The following TANC1 variants were observed in gnomAD, a reference collection of about 807,000 sequenced individuals.
The protein encoded by TANC1 is protein TANC1.
In TANC1, 77 loss-of-function variants were observed where a neutral mutation model predicts 149.7. The ratio of observed to expected loss-of-function variants is 0.51; its 90% confidence interval spans 0.43 to 0.62. TANC1 has a LOEUF of 0.62. TANC1 is among the 20% of genes least tolerant of loss of function. The pLI is 0.00. For synonymous variants in TANC1, 854 were observed against 925.0 expected (o/e 0.92, Z 1.39); for missense variants, 1,985 against 2,321.8 (o/e 0.85, Z 2.98).
At position 159,229,766 on chromosome 2, in the gene TANC1, C is replaced by T. The variant is rs759944278; in HGVS notation, c.4340C>T (p.Thr1447Ile). ...TCCGAGAACGAAGAGGACACCCCAA[C>T]CCCTGGCTTAAGTGACCACTTTCAC... The part of the protein sequence containing the change: ...NDSENEEDTP[T>I]PGLSDHFHSE... The change falls in exon 27 of 27, where the codon ACC (threonine) becomes ATC (isoleucine). Residue 1447 changes from threonine to isoleucine, a missense_variant. By Grantham distance (89) the Thr-to-Ile change is moderately conservative. Transcript: ENST00000263635. 6 of 1,614,116 alleles carry T rather than the reference C, an allele frequency of 3.7e-6. No homozygotes were observed. The South Asian group carries it at 5.5e-5, about 15-fold the overall frequency.
At chr2:159,056,120 G>A in intron 2 of TANC1, 1 of 270,554 alleles carries the variant, frequency 3.7e-6, no homozygotes, top group Non-Finnish European at 7.7e-6. Context: ...CTTAAGATGT[G>A]GGAACTCATC....
intron 2 of TANC1, chr2:159,056,826 T>C: frequency 2.9e-6 from 1 of 344,638 alleles, no homozygotes; most frequent in Admixed American, 2.6e-5. Context: ...CAGGTCTAGC[T>C]TGAATATCAC....
intron 19 of TANC1, among the ~76,000 whole-genome samples, chr2:159,213,178 A>G (rs919054896): frequency 2.0e-5 from 3 of 152,276 alleles, no homozygotes; most frequent in Non-Finnish European, 4.4e-5. Context: ...CTCTCAAAAT[A>G]ATCAACTCAA....
intron 1 of TANC1, among the ~76,000 whole-genome samples, chr2:158,990,997 T>C (rs1375124538): frequency 2.1e-5 from 3 of 145,900 alleles, no homozygotes; most frequent in Non-Finnish European, 1.5e-5. Flanking sequence ...TGCTTGAGCC[T>C]GGGAGGATTG....
At chr2:159,211,364 GA>G (rs1331958353) in intron 19 of TANC1, among the ~76,000 whole-genome samples, 10 of 152,202 alleles carry the variant, frequency 6.6e-5, no homozygotes, top group Non-Finnish European at 1.3e-4. Context: ...GTTGATTTTT[GA>G]GCTCCCATTT....
chr2:158,991,091 CAAAAAAAAAAAA>C (rs34411224), intron 1 of TANC1, among the ~76,000 whole-genome samples: 2 of 70,168 alleles, frequency 2.9e-5, no homozygotes, highest in African/African-American at 5.9e-5. Flanking sequence ...GATCCTGTGT[CAAAAAAAAAAAA>C]AAAAAAAAAA....
chr2:159,072,770 TA>T (rs559919281), intron 3 of TANC1, among the ~76,000 whole-genome samples: 9,572 of 144,542 alleles, frequency 0.066, 712 homozygotes, highest in African/African-American at 0.19. Flanking sequence ...GTATAATAAT[TA>T]AAAAAAAAAA....
intron 19 of TANC1, among the ~76,000 whole-genome samples, chr2:159,208,854 C>T (rs1046245112): frequency 6.6e-6 from 1 of 152,198 alleles, no homozygotes; most frequent in African/African-American, 2.4e-5. Context: ...CTCCAGTGTA[C>T]TTACACAAGC....
chr2:159,108,114 T>C (rs2047370576), intron 4 of TANC1, among the ~76,000 whole-genome samples: 1 of 152,242 alleles, frequency 6.6e-6, no homozygotes, highest in South Asian at 2.1e-4. Context: ...AATGGACGCA[T>C]AGGCAATTTT....
At chr2:159,167,257 C>T (rs1055604780) in intron 8 of TANC1, among the ~76,000 whole-genome samples, 110 of 152,304 alleles carry the variant, frequency 7.2e-4, no homozygotes, top group African/African-American at 2.4e-3. Flanking sequence ...CTGCCTGCCC[C>T]TTCTACCTGT....
At chr2:158,981,490 TTTA>T (rs1559095912) in intron 1 of TANC1, among the ~76,000 whole-genome samples, 3 of 40,896 alleles carry the variant, frequency 7.3e-5, no homozygotes, top group Non-Finnish European at 1.2e-4. Flanking sequence ...ATATATAGCT[TTTA>T]TATATATATA....
In TANC1 at chr2:159,232,585, G is replaced by A. The variant is rs1205813583; in HGVS notation, c.*1573G>A. ...TTTATTTTCTTTAATATTTGTGAAA[G>A]TCTTACTCCTTTGTTAGTTTTGTTT... On this transcript the variant is annotated 3_prime_UTR_variant, in exon 27 of 27. Transcript: ENST00000263635. 1.3e-5 allele frequency: 2 copies of A among 152,632 alleles called. No individual in the cohort carries two copies. Among genetic ancestry groups the A allele is most frequent in the Non-Finnish European group, 2.9e-5 (2 of 67,968 alleles). 9.5% of individuals were successfully genotyped at this position (152,632 alleles called of 1,614,324 possible).
rs1039930259 is a variant in TANC1 at position 159,086,798 on chromosome 2, C to T, written c.62-10839C>T. Among the ~76,000 whole-genome samples, 12 of 152,118 alleles carry T rather than the reference C, an allele frequency of 7.9e-5. No homozygotes were observed. The South Asian group carries it at 1.0e-3, about 13-fold the overall frequency. ...CCACCATCATCTTACTGACTGCCTT[C>T]GAACTTTTGGGTCATGTATCTTACT... is the stretch of plus-strand genomic sequence containing the variant. On this transcript the variant is annotated intron_variant, in intron 3 of 26. Transcript: ENST00000263635.
At chr2:159,076,375 T>A (rs2043679808) in intron 3 of TANC1, among the ~76,000 whole-genome samples, 1 of 152,194 alleles carries the variant, frequency 6.6e-6, no homozygotes. Flanking sequence ...TGGCTTATAT[T>A]CAAGAATTTA....
intron 4 of TANC1, among the ~76,000 whole-genome samples, chr2:159,135,588 A>G (rs1295364935): frequency 6.6e-6 from 1 of 152,256 alleles, no homozygotes; most frequent in Non-Finnish European, 1.5e-5. Flanking sequence ...GGTAGGAGAT[A>G]AGCCTGTTGG....
At chr2:159,120,879 G>C (rs1351504132) in intron 4 of TANC1, among the ~76,000 whole-genome samples, 1 of 152,090 alleles carries the variant, frequency 6.6e-6, no homozygotes, top group Non-Finnish European at 1.5e-5. Context: ...GAGATTACAG[G>C]CATGAGCCAC....
chr2:159,097,964 A>G, intron 4 of TANC1, 130 bp downstream of exon 4: 1 of 769,306 alleles, frequency 1.3e-6, no homozygotes, highest in Non-Finnish European at 2.0e-6. Flanking sequence ...TCTAGAAGAA[A>G]TAAATCTTTT....
chr2:159,021,164 A>T (rs2038800180), intron 2 of TANC1, among the ~76,000 whole-genome samples: 1 of 152,176 alleles, frequency 6.6e-6, no homozygotes, highest in Admixed American at 6.5e-5. Context: ...AAATGATCTG[A>T]TCATCTTATA....
chr2:159,076,254 A>T (rs969714602), intron 3 of TANC1, among the ~76,000 whole-genome samples: 4 of 152,146 alleles, frequency 2.6e-5, no homozygotes, highest in Non-Finnish European at 5.9e-5. Flanking sequence ...TTCTTGGGGA[A>T]TTTTTACTGA....
Sources: allele counts gnomAD v4.1 joint callset (sites outside exome capture counted in the v4.1 genomes callset), GRCh38; gene constraint gnomAD v4.1.1; transcripts MANE v1.5; gene names NCBI Gene and HGNC (gene_info 2026-07-23, HGNC 2026-07-21).